MAPK9: variants seen among roughly 807,000 people sequenced by gnomAD.
The protein encoded by MAPK9 is Jun kinase.
Under a neutral mutation model 57.1 loss-of-function variants are expected in MAPK9, and 30 were observed. The ratio of observed to expected loss-of-function variants is 0.53; its 90% confidence interval spans 0.39 to 0.71. The LOEUF (loss-of-function observed/expected upper bound fraction) is 0.71, where lower values mean the gene tolerates loss of function less well. MAPK9 is among the 30% of genes least tolerant of loss of function. The probability of loss-of-function intolerance (pLI) is 0.00; values close to 1 mark genes in which losing one functional copy is unlikely to be tolerated. For synonymous variants in MAPK9, 155 were observed against 177.0 expected, an observed-to-expected ratio of 0.88 and a Z score of 0.99; for missense variants, 362 against 521.0, an observed-to-expected ratio of 0.69 and a Z score of 2.97.
chr5:180,263,648 C>T (rs1760216383), intron 4 of MAPK9, among the ~76,000 whole-genome samples: 1 of 151,776 alleles, frequency 6.6e-6, no homozygotes, highest in African/African-American at 2.4e-5. Flanking sequence ...GTCCTGAGCG[C>T]TGTCTGTTCC....
intron 1 of MAPK9, among the ~76,000 whole-genome samples, chr5:180,286,349 T>C (rs1762763869): frequency 6.6e-6 from 1 of 150,716 alleles, no homozygotes; most frequent in South Asian, 2.1e-4. Context: ...TTTCACTGTG[T>C]TAGCCAGGAT....
chr5:180,245,187 C>A (rs1757988120), intron 7 of MAPK9, among the ~76,000 whole-genome samples: 1 of 152,182 alleles, frequency 6.6e-6, no homozygotes, highest in East Asian at 1.9e-4. Context: ...CCAGACCTTG[C>A]CCCTAAATTC....
chr5:180,235,017 C>T lies in MAPK9; in HGVS notation c.*1367G>A, dbSNP rs34884422. 6.0e-4 allele frequency: 92 copies of T among 152,332 alleles called. No individual in the cohort carries two copies. Among genetic ancestry groups the T allele is most frequent in the African/African-American group, 2.1e-3 (89 of 41,556 alleles). 9.4% of individuals were successfully genotyped at this position (152,332 alleles called of 1,614,324 possible). A position where few individuals can be genotyped will look rare whatever the true frequency, so the allele number is the denominator to read the frequency against. On this transcript the variant is annotated 3_prime_UTR_variant, in exon 12 of 12. Coordinates refer to ENST00000452135, the MANE Select transcript of MAPK9 (RefSeq NM_002752.5). ...GAGACATGGGCACAGGCAGGCAAAA[C>T]GTGATCACCACAGCTCCGTTCCTGC... is the stretch of plus-strand genomic sequence containing the variant.
At chr5:180,263,181 T>C (rs185646860) in intron 4 of MAPK9, 2 of 152,386 alleles carry the variant, frequency 1.3e-5, no homozygotes, top group African/African-American at 2.4e-5. Flanking sequence ...AGCTCCCTCA[T>C]CCTTCAGGTG....
intron 6 of MAPK9, among the ~76,000 whole-genome samples, chr5:180,248,310 G>A (rs773602059): frequency 6.6e-6 from 1 of 152,240 alleles, no homozygotes; most frequent in Non-Finnish European, 1.5e-5. Flanking sequence ...ATGAAGCTGT[G>A]CCCCTCAGGG....
At position 180,242,816 on chromosome 5, in the gene MAPK9, G is replaced by C. The variant is rs1757771758; in HGVS notation, c.689-61C>G. 3.0e-6 allele frequency: 4 copies of C among 1,321,468 alleles called. No homozygotes were observed. In the South Asian group the frequency reaches 5.5e-5, roughly 18 times the overall value. The allele number at this position is 1,321,468 out of a possible 1,614,324, so 81.9% of individuals were successfully genotyped here. On this transcript the variant is annotated intron_variant, in intron 7 of 11. Transcript: ENST00000452135. The stretch of plus-strand genomic sequence containing the variant: ...CCTTGTATTCACAGTACATGCGGCA[G>C]CATCACTTGAATAATATTTAAACCT...
intron 2 of MAPK9, among the ~76,000 whole-genome samples, chr5:180,271,800 G>T (rs1761351191): frequency 6.6e-6 from 1 of 152,106 alleles, no homozygotes; most frequent in Non-Finnish European, 1.5e-5. Context: ...AAGGACAAAG[G>T]ATTCTCTTAT....
At chr5:180,282,746 AAC>A (rs1048492012) in intron 1 of MAPK9, among the ~76,000 whole-genome samples, 1 of 152,204 alleles carries the variant, frequency 6.6e-6, no homozygotes, top group Non-Finnish European at 1.5e-5. Context: ...ACACACCAGC[AAC>A]ACAGTTACTT....
In MAPK9 at chr5:180,269,417, T is replaced by G; in HGVS notation, c.123-8A>C. On this transcript the variant is annotated splice_polypyrimidine_tract_variant and splice_region_variant and intron_variant, in intron 2 of 11. Coordinates refer to ENST00000452135, the MANE Select transcript of MAPK9 (RefSeq NM_002752.5). ...ACTGTATCAAATGCAGCACTAGAAT[T>G]AGGAAATATAATGCACAATCCATTA... 1 of 1,613,220 alleles carries G rather than the reference T, an allele frequency of 6.2e-7. No individual in the cohort carries two copies.
Position 180,247,552 on chromosome 5 carries a change from A to T in MAPK9, c.617-42T>A. 6.4e-7 allele frequency: 1 copy of T among 1,553,640 alleles called. No individual in the cohort carries two copies. Among genetic ancestry groups the T allele is most frequent in the Non-Finnish European group, 8.9e-7 (1 of 1,128,172 alleles). On this transcript the variant is annotated intron_variant, in intron 6 of 11. Transcript: ENST00000452135. This position sits in a 1 kb window ranked among gnomAD's most constrained non-coding sequence, Gnocchi z 4.5. ...ATGATAAAATTATGAAGTGCCATGAACAAAACAAAAGTGAGGAAAAGGAAT... is the reference window on the plus strand; with the variant it reads ...ATGATAAAATTATGAAGTGCCATGATCAAAACAAAAGTGAGGAAAAGGAAT...
chr5:180,236,351 T>G lies in MAPK9; in HGVS notation c.*33A>C. 2 of 1,578,264 alleles carry G rather than the reference T, an allele frequency of 1.3e-6. No individual in the cohort carries two copies. The highest frequency in any genetic ancestry group is 1.7e-6 in the Non-Finnish European group (2 of 1,155,090). On this transcript the variant is annotated 3_prime_UTR_variant, in exon 12 of 12. Coordinates refer to ENST00000452135, the MANE Select transcript of MAPK9 (RefSeq NM_002752.5). The stretch of plus-strand genomic sequence containing the variant: ...TCAGGCCCACGGAGGTGAGAGTTCC[T>G]TCAATGCTGACAGGTTTGCTATTTC...
chr5:180,267,447 G>A lies in MAPK9; in HGVS notation c.252+1833C>T, dbSNP rs547560723. 6.5e-3 allele frequency among the ~76,000 whole-genome samples: 989 copies of A among 151,124 alleles called. 9 individuals carry two copies. Among genetic ancestry groups the A allele is most frequent in the African/African-American group, 0.019 (792 of 41,194 alleles). On this transcript the variant is annotated intron_variant, in intron 3 of 11. Coordinates refer to ENST00000452135, the MANE Select transcript of MAPK9 (RefSeq NM_002752.5). ...TGTGGTGGCGGGCACCTGTAGTCCC[G>A]GCTACTCGGGAGGCTGAGGCAGGAG...
At position 180,247,361 on chromosome 5, in the gene MAPK9, G is replaced by A. The variant is rs560400543; in HGVS notation, c.688+78C>T. 6.5e-7 allele frequency: 1 copy of A among 1,550,278 alleles called. No individual in the cohort carries two copies. Among genetic ancestry groups the A allele is most frequent in the Non-Finnish European group, 8.9e-7 (1 of 1,122,252 alleles). ...GGATTTTACGACTTTGTCCTCGTGA[G>A]CGCTCGTGTAAGCAGGTGGTCATGC... On this transcript the variant is annotated intron_variant, in intron 7 of 11. Coordinates refer to ENST00000452135, the MANE Select transcript of MAPK9 (RefSeq NM_002752.5). The surrounding 1 kb of genome is among the most constrained non-coding windows in gnomAD (Gnocchi z 4.5).
At chr5:180,262,221 G>A (rs1313880917) in intron 4 of MAPK9, among the ~76,000 whole-genome samples, 4 of 152,088 alleles carry the variant, frequency 2.6e-5, no homozygotes, top group Non-Finnish European at 2.9e-5. Flanking sequence ...GAGACAGACA[G>A]GAACTCAGTA....
rs1348609901 is a variant in MAPK9 at position 180,235,182 on chromosome 5, T to C, written c.*1202A>G. ...AATCATGACTCTTCAGGGTATTTCC[T>C]TCACGTCCTCTGAAGAGTTTCCCAG... On this transcript the variant is annotated 3_prime_UTR_variant, in exon 12 of 12. Coordinates refer to ENST00000452135, the MANE Select transcript of MAPK9 (RefSeq NM_002752.5). 6.6e-6 allele frequency: 1 copy of C among 152,262 alleles called. No homozygotes were observed. Among genetic ancestry groups the C allele is most frequent in the Non-Finnish European group, 1.5e-5 (1 of 68,046 alleles). The allele number at this position is 152,262 out of a possible 1,614,324, so 9.4% of individuals were successfully genotyped here. A position where few individuals can be genotyped will look rare whatever the true frequency, so the allele number is the denominator to read the frequency against.
At position 180,283,889 on chromosome 5, in the gene MAPK9, C is replaced by A. The variant is rs116092808; in HGVS notation, c.-47-3281G>T. ...GGTGGAGATTGCAGTGAGCTGAGAT[C>A]GTGCCACTCCAGCCTGGGCCACAGC... On this transcript the variant is annotated intron_variant, in intron 1 of 11. Transcript: ENST00000452135. Among the ~76,000 whole-genome samples, 1,494 of 152,202 alleles carry A rather than the reference C, an allele frequency of 9.8e-3. 25 individuals carry two copies. Among genetic ancestry groups the A allele is most frequent in the African/African-American group, 0.034 (1,400 of 41,508 alleles).
chr5:180,248,018 G>T, intron 6 of MAPK9: 1 of 1,223,566 alleles, frequency 8.2e-7, no homozygotes, highest in Non-Finnish European at 1.1e-6. Context: ...CACGTCACTA[G>T]CTTGCCGGCG....
intron 2 of MAPK9, among the ~76,000 whole-genome samples, chr5:180,273,921 T>C (rs1374824296): frequency 2.6e-5 from 4 of 152,196 alleles, no homozygotes; most frequent in Admixed American, 2.6e-4. Flanking sequence ...TCTTAATGGG[T>C]GTCTTGACCA....
chr5:180,278,032 T>TAA (rs774590166), intron 2 of MAPK9, among the ~76,000 whole-genome samples: 2 of 152,258 alleles, frequency 1.3e-5, no homozygotes, highest in Non-Finnish European at 2.9e-5. Context: ...CTTATAGAGA[T>TAA]AAATACAATT....
Sources: allele counts gnomAD v4.1 joint callset (sites outside exome capture counted in the v4.1 genomes callset), GRCh38; gene constraint gnomAD v4.1.1; non-coding constraint Gnocchi (gnomAD v3.1); transcripts MANE v1.5; gene names NCBI Gene and HGNC (gene_info 2026-07-23, HGNC 2026-07-21).